The following FSHR variants were observed in gnomAD, a reference collection of about 807,000 sequenced individuals.
FSHR encodes the protein follicle stimulating hormone receptor.
A neutral mutation model predicts 52.1 loss-of-function variants in FSHR; 46 were observed. That is an observed-to-expected ratio of 0.88 (90% CI 0.70 to 1.13). The LOEUF is 1.13. FSHR is among the 50% of genes most tolerant of loss of function. The pLI is 0.00. For missense variants in FSHR, 964 were observed against 834.6 expected (o/e 1.16, Z -1.91); for synonymous variants, 399 against 309.6 (o/e 1.29, Z -3.03).
At chr2:49,008,880 T>G (rs1311332671) in intron 4 of FSHR, among the ~76,000 whole-genome samples, 5 of 151,538 alleles carry the variant, frequency 3.3e-5, no homozygotes, top group African/African-American at 1.2e-4. Context: ...GGTTGTTTGT[T>G]TTTTTCTTGT....
chr2:49,136,911 T>C (rs1362775508), intron 1 of FSHR, among the ~76,000 whole-genome samples: 1 of 151,982 alleles, frequency 6.6e-6, no homozygotes, highest in African/African-American at 2.4e-5. Flanking sequence ...ACATCACACG[T>C]ATTGGTGAGA....
At chr2:49,024,099 T>C (rs1423905562) in intron 2 of FSHR, among the ~76,000 whole-genome samples, 1 of 152,162 alleles carries the variant, frequency 6.6e-6, no homozygotes, top group Non-Finnish European at 1.5e-5. Context: ...AACTGTTTTA[T>C]TCCGAGTAGA....
chr2:49,045,512 T>C (rs1668624032), intron 2 of FSHR, among the ~76,000 whole-genome samples: 1 of 152,246 alleles, frequency 6.6e-6, no homozygotes, highest in African/African-American at 2.4e-5. Context: ...TGGTTGAATC[T>C]ACATGTCACT....
Position 48,989,050 on chromosome 2 carries a change from T to C in FSHR, c.451A>G (p.Ile151Val), listed in dbSNP as rs1478612286. ...GTGTGGATGTTTATGTTATCTTGAA[T>C]GTCACTAGAAGAAAGTACAGACAAA... ...IHSLQKVLLD[I>V]QDNINIHTIE... The change falls in exon 6 of 10, where the codon ATT (isoleucine) becomes GTT (valine). Residue 151 changes from isoleucine (I) to valine (V), a missense_variant. Transcript: ENST00000406846. 1 of 1,612,632 alleles carries C rather than the reference T, an allele frequency of 6.2e-7. No individual in the cohort carries two copies. The highest frequency in any genetic ancestry group is 1.7e-5 in the Admixed American group (1 of 60,008).
At chr2:49,100,086 C>G (rs977439925) in intron 1 of FSHR, among the ~76,000 whole-genome samples, 1 of 152,126 alleles carries the variant, frequency 6.6e-6, no homozygotes, top group Non-Finnish European at 1.5e-5. Flanking sequence ...CACGTATTAA[C>G]TCATGTAATC....
chr2:49,056,265 A>G (rs1162606692), intron 2 of FSHR, among the ~76,000 whole-genome samples: 1 of 151,888 alleles, frequency 6.6e-6, no homozygotes, highest in East Asian at 1.9e-4. Flanking sequence ...GTAAAGACAC[A>G]TAGACTGAAA....
intron 1 of FSHR, among the ~76,000 whole-genome samples, chr2:49,097,428 T>G (rs73931542): frequency 0.18 from 28,018 of 152,192 alleles, 2,761 homozygotes; most frequent in East Asian, 0.29. Context: ...TTTGTATTTT[T>G]CAGTGCAAGG....
intron 8 of FSHR, 135 bp from the exon 9 acceptor site, chr2:48,969,018 A>T: frequency 1.2e-6 from 1 of 807,198 alleles, no homozygotes; most frequent in Non-Finnish European, 2.0e-6. Flanking sequence ...TTCCTCCAAC[A>T]CACCTTGGCC....
At chr2:49,024,741 A>C (rs924102530) in intron 2 of FSHR, among the ~76,000 whole-genome samples, 2 of 152,098 alleles carry the variant, frequency 1.3e-5, no homozygotes, top group African/African-American at 4.8e-5. Context: ...TATCCAAAAT[A>C]TTTCTCCCTA....
chr2:49,004,527 T>C (rs1383950086), intron 4 of FSHR, among the ~76,000 whole-genome samples: 1 of 152,170 alleles, frequency 6.6e-6, no homozygotes, highest in Non-Finnish European at 1.5e-5. Context: ...CCCAGATTCA[T>C]GAAGATCACA....
intron 3 of FSHR, among the ~76,000 whole-genome samples, chr2:49,019,162 C>A (rs1358503093): frequency 6.6e-6 from 1 of 152,158 alleles, no homozygotes; most frequent in Admixed American, 6.5e-5. Flanking sequence ...CACACAATAT[C>A]CTTCTTGGAG....
intron 1 of FSHR, among the ~76,000 whole-genome samples, chr2:49,082,142 G>A (rs1044803880): frequency 2.0e-5 from 3 of 152,098 alleles, no homozygotes; most frequent in Admixed American, 1.3e-4. Flanking sequence ...CTCCCAGCAC[G>A]CAGCTGGAGA....
intron 9 of FSHR, 114 bp from the exon 10 acceptor site, chr2:48,964,080 TC>T: frequency 3.1e-6 from 3 of 975,234 alleles, no homozygotes; most frequent in South Asian, 3.0e-5. Context: ...TTTTTTTTTT[TC>T]TTCTCACATC....
intron 1 of FSHR, among the ~76,000 whole-genome samples, chr2:49,120,167 A>C (rs1467801545): frequency 1.3e-5 from 2 of 152,166 alleles, no homozygotes; most frequent in African/African-American, 2.4e-5. Context: ...GCTACTCAGG[A>C]GGCTGAGGCA....
Position 49,046,864 on chromosome 2 carries a change from G to A in FSHR, c.224+21355C>T, listed in dbSNP as rs192089558. 5.3e-5 allele frequency among the ~76,000 whole-genome samples: 8 copies of A among 152,284 alleles called. No homozygotes were observed. The East Asian group carries it at 1.3e-3, about 26-fold the overall frequency. Reference sequence around the variant, plus strand: ...ACAGCATATTTGTGAGTCAGAAGGAGGTGTACTCAGCCCAAGGAAGCTCAT... The same window carrying A: ...ACAGCATATTTGTGAGTCAGAAGGAAGTGTACTCAGCCCAAGGAAGCTCAT... On this transcript the variant is annotated intron_variant, in intron 2 of 9. Transcript: ENST00000406846.
intron 1 of FSHR, among the ~76,000 whole-genome samples, chr2:49,103,542 C>T (rs370523835): frequency 9.9e-5 from 15 of 152,008 alleles, no homozygotes; most frequent in Non-Finnish European, 1.5e-4. Flanking sequence ...CAGGGGGCAG[C>T]CAATAACTGA....
Position 49,014,840 on chromosome 2 carries a change from C to T in FSHR, c.374+2649G>A, listed in dbSNP as rs76253067. On this transcript the variant is annotated intron_variant, in intron 4 of 9. Coordinates refer to ENST00000406846, the MANE Select transcript of FSHR (RefSeq NM_000145.4). ...TGTGATAGTTTATGAATGAAAGTGT[C>T]TCTGGGGATGCCTCTTCATGTCCTA... 7.8e-3 allele frequency: 3,560 copies of T among 456,402 alleles called. 84 individuals are homozygous for T. The highest frequency in any genetic ancestry group is 0.058 in the African/African-American group (2,848 of 49,164). 28.3% of individuals were successfully genotyped at this position (456,402 alleles called of 1,614,324 possible).
At chr2:48,964,982 C>G (rs1489606652) in intron 9 of FSHR, among the ~76,000 whole-genome samples, 1 of 122,086 alleles carries the variant, frequency 8.2e-6, no homozygotes, top group African/African-American at 3.1e-5. Context: ...ACGTTAGGAC[C>G]TTTTTGGATG....
intron 4 of FSHR, among the ~76,000 whole-genome samples, chr2:49,017,216 G>A (rs937562728): frequency 1.3e-5 from 2 of 152,192 alleles, no homozygotes; most frequent in Non-Finnish European, 2.9e-5. Flanking sequence ...AATTATGACT[G>A]AGTTCTGTAC....
Sources: allele counts gnomAD v4.1 joint callset (sites outside exome capture counted in the v4.1 genomes callset), GRCh38; gene constraint gnomAD v4.1.1; transcripts MANE v1.5; gene names NCBI Gene and HGNC (gene_info 2026-07-23, HGNC 2026-07-21).